Variants in TNR observed in about 807,000 individuals in gnomAD.
TNR encodes tenascin R.
Under a neutral mutation model 150.4 loss-of-function variants are expected in TNR, and 45 were observed. The observed-to-expected ratio is 0.30, with a 90% CI of 0.24 to 0.38. The LOEUF (loss-of-function observed/expected upper bound fraction) is 0.38. TNR is among the 10% of genes least tolerant of loss of function. TNR has a pLI of 1.00. For missense variants in TNR, 1,544 were observed against 1,759.1 expected (o/e 0.88, Z 2.19); for synonymous variants, 687 against 678.4 (o/e 1.01, Z -0.20).
At chr1:175,471,323 G>T (rs927507177) in intron 2 of TNR, among the ~76,000 whole-genome samples, 1 of 152,182 alleles carries the variant, frequency 6.6e-6, no homozygotes, top group Admixed American at 6.5e-5. Context: ...ACAGTCACGC[G>T]TTGTTTAACC....
intron 1 of TNR, among the ~76,000 whole-genome samples, chr1:175,641,577 G>A (rs889140165): frequency 3.3e-4 from 51 of 152,298 alleles, no homozygotes; most frequent in African/African-American, 1.2e-3. Context: ...TGTAGGAGAA[G>A]GAGGCTGCTC....
intron 2 of TNR, among the ~76,000 whole-genome samples, chr1:175,433,100 G>T (rs1389858889): frequency 1.3e-5 from 2 of 152,200 alleles, no homozygotes; most frequent in Non-Finnish European, 1.5e-5. Flanking sequence ...GAGGATGAAA[G>T]CTACACAATC....
chr1:175,427,872 TCTTCCCTC>T (rs1655079344), intron 2 of TNR, among the ~76,000 whole-genome samples: 1 of 133,944 alleles, frequency 7.5e-6, no homozygotes, highest in African/African-American at 2.9e-5. Flanking sequence ...CTTCCTTCCT[TCTTCCCTC>T]CCTTCTTCGC....
intron 4 of TNR, among the ~76,000 whole-genome samples, chr1:175,400,929 A>C (rs532772411): frequency 2.0e-5 from 3 of 152,320 alleles, no homozygotes; most frequent in African/African-American, 7.2e-5. Context: ...AGCAGGCCTT[A>C]AGAGCAGACC....
At chr1:175,563,804 C>G (rs1023682542) in intron 1 of TNR, among the ~76,000 whole-genome samples, 2 of 152,190 alleles carry the variant, frequency 1.3e-5, no homozygotes, top group Non-Finnish European at 2.9e-5. Flanking sequence ...CTTCTATTTT[C>G]CAATCAACTG....
chr1:175,482,717 T>C (rs1185669961), intron 2 of TNR, among the ~76,000 whole-genome samples: 1 of 152,160 alleles, frequency 6.6e-6, no homozygotes, highest in Non-Finnish European at 1.5e-5. Context: ...AACAATCCAA[T>C]AAATTAAGGC....
intron 1 of TNR, among the ~76,000 whole-genome samples, chr1:175,533,827 C>G (rs1307269666): frequency 6.6e-6 from 1 of 152,014 alleles, no homozygotes; most frequent in Non-Finnish European, 1.5e-5. Flanking sequence ...CATGCAGGAG[C>G]TTTGTTGGTG....
rs146648982 is a variant in TNR, at chr1:175,587,913, C to T, written c.-164-59544G>A. Among the ~76,000 whole-genome samples, 1,201 of 152,282 alleles carry T rather than the reference C, an allele frequency of 7.9e-3. 14 individuals carry two copies. Among genetic ancestry groups the T allele is most frequent in the African/African-American group, 0.027 (1,139 of 41,546 alleles). On this transcript the variant is annotated intron_variant, in intron 1 of 22. Coordinates refer to ENST00000367674, the MANE Select transcript of TNR (RefSeq NM_003285.3). ...AGAGAGGGGAAGCAAACAGTGAGGG[C>T]CACTCACATGGTGGAGGGGATTAAG...
chr1:175,324,376 C>T lies in TNR; in HGVS notation c.3937G>A (p.Gly1313Arg), dbSNP rs565736776. 13 of 1,613,900 alleles carry T rather than the reference C, an allele frequency of 8.1e-6. No individual in the cohort carries two copies. Among genetic ancestry groups the T allele is most frequent in the African/African-American group, 6.7e-5 (5 of 75,032 alleles). The change falls in exon 22 of 23, where the codon GGG becomes AGG. Residue 1313 changes from glycine to arginine, a missense_variant. This residue lies in a region of TNR where 290 missense variants were observed against 429.7 expected (regional missense o/e 0.67). Coordinates refer to ENST00000367674, the MANE Select transcript of TNR (RefSeq NM_003285.3). ...CHRTNLNGKY[G>R]ESRHSQGINW... ...CTTACCTGACTGTGCCTGGACTCCC[C>T]GTACTTCCCATTGAGGTTGGTCCGG...
rs1656726936 is a variant in TNR at position 175,459,671 on chromosome 1, G to A, written c.-63-52894C>T. 2.0e-5 allele frequency among the ~76,000 whole-genome samples: 3 copies of A among 152,186 alleles called. No homozygotes were observed. The South Asian group carries it at 6.2e-4, about 32-fold the overall frequency. Reference sequence around the variant, plus strand: ...CTTCACAGTTCCAGGAGGTGGGGTGGCAGCAGTGGTGGCCATGGAGAGGGG... The same window carrying A: ...CTTCACAGTTCCAGGAGGTGGGGTGACAGCAGTGGTGGCCATGGAGAGGGG... On this transcript the variant is annotated intron_variant, in intron 2 of 22. Transcript: ENST00000367674.
intron 2 of TNR, among the ~76,000 whole-genome samples, chr1:175,471,284 C>A (rs1018105222): frequency 6.6e-6 from 1 of 152,180 alleles, no homozygotes; most frequent in African/African-American, 2.4e-5. Context: ...CCAGTGATCA[C>A]GTCAGTCTGT....
intron 2 of TNR, among the ~76,000 whole-genome samples, chr1:175,518,450 G>T (rs1194891208): frequency 2.6e-5 from 4 of 152,004 alleles, no homozygotes; most frequent in Non-Finnish European, 2.9e-5. Flanking sequence ...CCATCACAAG[G>T]CTCCTGATTT....
At chr1:175,710,000 T>C (rs556001668) in intron 1 of TNR, among the ~76,000 whole-genome samples, 41 of 152,186 alleles carry the variant, frequency 2.7e-4, no homozygotes, top group Non-Finnish European at 2.8e-4. Flanking sequence ...ATTTGGTAGA[T>C]TATTCTAAGA....
At chr1:175,344,217 C>T (rs61806378) in intron 18 of TNR, among the ~76,000 whole-genome samples, 3 of 152,156 alleles carry the variant, frequency 2.0e-5, no homozygotes, top group South Asian at 2.1e-4. Flanking sequence ...AAGGGATGGC[C>T]GGTGCTTAGG....
chr1:175,596,919 C>T (rs756585544), intron 1 of TNR, among the ~76,000 whole-genome samples: 17 of 152,160 alleles, frequency 1.1e-4, no homozygotes, highest in Admixed American at 9.2e-4. Context: ...CAAAACATTT[C>T]ACCTCTGAGC....
chr1:175,716,710 G>A (rs1667162681), intron 1 of TNR, among the ~76,000 whole-genome samples: 1 of 152,184 alleles, frequency 6.6e-6, no homozygotes, highest in African/African-American at 2.4e-5. Context: ...TGATTAGGAT[G>A]AATTAACCAG....
At chr1:175,613,478 C>A (rs1663664890) in intron 1 of TNR, among the ~76,000 whole-genome samples, 1 of 151,502 alleles carries the variant, frequency 6.6e-6, no homozygotes, top group South Asian at 2.1e-4. Flanking sequence ...ACCCCAGAGC[C>A]AGTTTATCAG....
At chr1:175,488,156 A>G (rs1289036210) in intron 2 of TNR, among the ~76,000 whole-genome samples, 3 of 152,244 alleles carry the variant, frequency 2.0e-5, no homozygotes, top group Admixed American at 6.5e-5. Context: ...TGAACTTCCA[A>G]GCTGTTGTAA....
chr1:175,331,180 TC>T (rs1649893892), intron 20 of TNR, among the ~76,000 whole-genome samples: 26 of 60,930 alleles, frequency 4.3e-4, no homozygotes, highest in South Asian at 9.1e-4. Flanking sequence ...CTTCCTTCCT[TC>T]CTTCCTTCCT....
Sources: allele counts gnomAD v4.1 joint callset (sites outside exome capture counted in the v4.1 genomes callset), GRCh38; gene constraint gnomAD v4.1.1; regional missense constraint gnomAD v4.1.1; transcripts MANE v1.5; gene names NCBI Gene and HGNC (gene_info 2026-07-23, HGNC 2026-07-21).